HMGN4: variants seen among roughly 807,000 people sequenced by gnomAD.
The protein encoded by HMGN4 is high mobility group nucleosome-binding domain-containing protein 4.
For missense variants in HMGN4, 69 were observed against 104.9 expected (o/e 0.66, Z 1.49); for synonymous variants, 39 against 39.1 (o/e 1.00, Z 0.01).
chr6:26,542,926 C>T lies in HMGN4; in HGVS notation c.-80-2201C>T, dbSNP rs1764304633. On this transcript the variant is annotated intron_variant, in intron 1 of 1. Transcript: ENST00000377575. The surrounding 1 kb of genome is among the most constrained non-coding windows in gnomAD (Gnocchi z 4.6). Reference sequence around the variant, plus strand: ...GGAAAAGAGACTGTGTGAGCATTCTCACACCAGGAAATGGGCTGAGAAACA... The same window carrying T: ...GGAAAAGAGACTGTGTGAGCATTCTTACACCAGGAAATGGGCTGAGAAACA... 6.6e-6 allele frequency among the ~76,000 whole-genome samples: 1 copy of T among 152,162 alleles called. No individual in the cohort carries two copies. Among genetic ancestry groups the T allele is most frequent in the South Asian group, 2.1e-4 (1 of 4,824 alleles).
Position 26,545,292 on chromosome 6 carries a change from C to G in HMGN4, c.86C>G (p.Ser29Cys), listed in dbSNP as rs1226790286. 3 of 1,614,112 alleles carry G rather than the reference C, an allele frequency of 1.9e-6. No homozygotes were observed. The East Asian group carries it at 6.7e-5, about 36-fold the overall frequency. Residue 29 changes from serine (S) to cysteine (C), a missense_variant, in exon 2 of 2, where the codon TCT becomes TGT. Coordinates refer to ENST00000377575, the MANE Select transcript of HMGN4 (RefSeq NM_006353.3). Reference sequence around the variant, plus strand: ...CCACAGAGGAGATCAGCTCGGTTGTCTGCTAAACCAGCTCCTCCAAAACCA... The same window carrying G: ...CCACAGAGGAGATCAGCTCGGTTGTGTGCTAAACCAGCTCCTCCAAAACCA... ...DEPQRRSARL[S>C]AKPAPPKPEP...
chr6:26,544,349 C>T (rs1463250709), intron 1 of HMGN4, among the ~76,000 whole-genome samples: 1 of 152,126 alleles, frequency 6.6e-6, no homozygotes, highest in Non-Finnish European at 1.5e-5. Flanking sequence ...CTGCAACTTG[C>T]TATTTTTCTT....
chr6:26,538,577 A>C (rs1764248803), intron 1 of HMGN4, 76 bp downstream of exon 1: 1 of 152,678 alleles, frequency 6.5e-6, no homozygotes, highest in African/African-American at 2.4e-5. Context: ...CGCCCTCCGT[A>C]TACTTAGGAC....
At chr6:26,543,439 T>TTTTTTTTTTTTG (rs1764310613) in intron 1 of HMGN4, among the ~76,000 whole-genome samples, 2 of 140,182 alleles carry the variant, frequency 1.4e-5, no homozygotes, top group African/African-American at 2.7e-5. Flanking sequence ...TTTTTTTTTT[T>TTTTTTTTTTTTG]GAAGCAGAGT....
At position 26,542,846 on chromosome 6, in the gene HMGN4, GC is replaced by G. The variant is rs1399000197; in HGVS notation, c.-80-2275del. Among the ~76,000 whole-genome samples the G allele has an allele frequency of 1.3e-5, 2 of 152,128 alleles. No homozygotes were observed. The highest frequency in any genetic ancestry group is 2.9e-5 in the Non-Finnish European group (2 of 68,034). Reference sequence around the variant, plus strand: ...TGGCCTTTGACATGTGGAGATCATGGCCCCCCTACTTCGGATGGACTTCAAT... The same window carrying G: ...TGGCCTTTGACATGTGGAGATCATGGCCCCCTACTTCGGATGGACTTCAAT... On this transcript the variant is annotated intron_variant, in intron 1 of 1. Coordinates refer to ENST00000377575, the MANE Select transcript of HMGN4 (RefSeq NM_006353.3). This position sits in a 1 kb window ranked among gnomAD's most constrained non-coding sequence, Gnocchi z 4.6.
At chr6:26,540,154 C>G (rs1038602699) in intron 1 of HMGN4, among the ~76,000 whole-genome samples, 1 of 152,082 alleles carries the variant, frequency 6.6e-6, no homozygotes, top group Non-Finnish European at 1.5e-5. Context: ...AGACACCCTG[C>G]GTTTTCTCAT....
In HMGN4 at chr6:26,538,427, C is replaced by G. The variant is rs1035433444; in HGVS notation, c.-155C>G. On this transcript the variant is annotated 5_prime_UTR_variant, in exon 1 of 2. Coordinates refer to ENST00000377575, the MANE Select transcript of HMGN4 (RefSeq NM_006353.3). The stretch of plus-strand genomic sequence containing the variant: ...TGTCTTAGGGCTGGTGCTGGCCCTG[C>G]CCACGCCTAGGGCTCCGGCGCGTCA... 4 of 152,372 alleles carry G rather than the reference C, an allele frequency of 2.6e-5. No homozygotes were observed. 9.4% of individuals were successfully genotyped at this position (152,372 alleles called of 1,614,324 possible).
chr6:26,545,828 C>A lies in HMGN4; in HGVS notation c.*349C>A. On this transcript the variant is annotated 3_prime_UTR_variant, in exon 2 of 2. Coordinates refer to ENST00000377575, the MANE Select transcript of HMGN4 (RefSeq NM_006353.3). ...CAAAACTTCGTGTCTCCCCTTTCCCCGATGCCATCAGCATAGACTTGACTT... is the reference window on the plus strand; with the variant it reads ...CAAAACTTCGTGTCTCCCCTTTCCCAGATGCCATCAGCATAGACTTGACTT... 5.8e-6 allele frequency: 1 copy of A among 172,576 alleles called. No homozygotes were observed. Among genetic ancestry groups the A allele is most frequent in the Non-Finnish European group, 1.4e-5 (1 of 71,846 alleles). The allele number at this position is 172,576 out of a possible 1,614,324, so 10.7% of individuals were successfully genotyped here.
At chr6:26,540,710 C>A (rs1764279057) in intron 1 of HMGN4, among the ~76,000 whole-genome samples, 1 of 152,136 alleles carries the variant, frequency 6.6e-6, no homozygotes, top group South Asian at 2.1e-4. Flanking sequence ...TCTTAACTTT[C>A]TTCCAGATCT....
intron 1 of HMGN4, among the ~76,000 whole-genome samples, chr6:26,544,345 C>T (rs1195154588): frequency 6.6e-6 from 1 of 152,066 alleles, no homozygotes; most frequent in Admixed American, 6.6e-5. Flanking sequence ...TCTTCTGCAA[C>T]TTGCTATTTT....
chr6:26,544,387 C>T (rs147326685), intron 1 of HMGN4, among the ~76,000 whole-genome samples: 22 of 152,266 alleles, frequency 1.4e-4, no homozygotes, highest in African/African-American at 4.8e-4. Context: ...GATTCATCCT[C>T]GTTTTTGAAC....
At chr6:26,540,263 C>T (rs557067973) in intron 1 of HMGN4, among the ~76,000 whole-genome samples, 5 of 152,124 alleles carry the variant, frequency 3.3e-5, no homozygotes, top group Non-Finnish European at 7.4e-5. Context: ...GAACAAACGC[C>T]CTGGAGAGTG....
chr6:26,541,040 C>T (rs368775873), intron 1 of HMGN4, among the ~76,000 whole-genome samples: 1 of 152,260 alleles, frequency 6.6e-6, no homozygotes, highest in South Asian at 2.1e-4. Flanking sequence ...AGATGTTTCC[C>T]TAGTCATTAC....
At chr6:26,544,291 A>G (rs1443378137) in intron 1 of HMGN4, among the ~76,000 whole-genome samples, 2 of 152,018 alleles carry the variant, frequency 1.3e-5, no homozygotes, top group Non-Finnish European at 2.9e-5. Context: ...TGGCCTCAAC[A>G]TGTCATAGTT....
chr6:26,538,405 C>T lies in HMGN4; in HGVS notation c.-177C>T, dbSNP rs747149691. On this transcript the variant is annotated 5_prime_UTR_variant, in exon 1 of 2. Transcript: ENST00000377575. Reference sequence around the variant, plus strand: ...GCCGGGCTCCGCTCGTCTTCTCTGTCTTAGGGCTGGTGCTGGCCCTGCCCA... The same window carrying T: ...GCCGGGCTCCGCTCGTCTTCTCTGTTTTAGGGCTGGTGCTGGCCCTGCCCA... 2.6e-5 allele frequency: 4 copies of T among 152,320 alleles called. No homozygotes were observed. Among genetic ancestry groups the T allele is most frequent in the African/African-American group, 4.8e-5 (2 of 41,446 alleles). The allele number at this position is 152,320 out of a possible 1,614,324, so 9.4% of individuals were successfully genotyped here.
chr6:26,541,250 T>G (rs1162856167), intron 1 of HMGN4, among the ~76,000 whole-genome samples: 1 of 152,144 alleles, frequency 6.6e-6, no homozygotes, highest in Non-Finnish European at 1.5e-5. Flanking sequence ...TTCACCATGT[T>G]GGCCAGGCTG....
intron 1 of HMGN4, among the ~76,000 whole-genome samples, chr6:26,543,421 C>CTTTTTTTTTTTTTT (rs70977285): frequency 0.02 from 1,581 of 80,054 alleles, 349 homozygotes; most frequent in African/African-American, 0.044. Context: ...GCACCATTAC[C>CTTTTTTTTTTTTTT]TTTTTTTTTT....
rs968033983 is a variant in HMGN4, at chr6:26,545,535, T to A, written c.*56T>A. 97 of 1,435,898 alleles carry A rather than the reference T, an allele frequency of 6.8e-5. No homozygotes were observed. Among genetic ancestry groups the A allele is most frequent in the Non-Finnish European group, 8.6e-5 (93 of 1,078,388 alleles). The allele number at this position is 1,435,898 out of a possible 1,614,324, so 88.9% of individuals were successfully genotyped here. ...AGTGACTCTACTGTTTGAAATACTA[T>A]TTTTTTAAATCAAGTTTTATAAAAG... On this transcript the variant is annotated 3_prime_UTR_variant, in exon 2 of 2. Coordinates refer to ENST00000377575, the MANE Select transcript of HMGN4 (RefSeq NM_006353.3).
chr6:26,543,421 C>CCTTTTTTTTTTTTTTT (rs1764309772), intron 1 of HMGN4, among the ~76,000 whole-genome samples: 1 of 80,136 alleles, frequency 1.2e-5, no homozygotes, highest in African/African-American at 5.7e-5. Flanking sequence ...GCACCATTAC[C>CCTTTTTTTTTTTTTTT]TTTTTTTTTT....
Sources: gnomAD v4.1 joint callset for allele counts (sites outside exome capture counted in the v4.1 genomes callset) on GRCh38, gnomAD v4.1.1 for gene constraint, Gnocchi (gnomAD v3.1) non-coding constraint, MANE v1.5 for transcripts, NCBI Gene and HGNC (gene_info 2026-07-23, HGNC 2026-07-21) for gene names.